C8orf34: variants seen among roughly 807,000 people sequenced by gnomAD.
C8orf34 encodes the protein chromosome 8 open reading frame 34, also known as uncharacterized protein C8orf34.
Under a neutral mutation model 68.3 loss-of-function variants are expected in C8orf34, and 65 were observed. That is an observed-to-expected ratio of 0.95 (90% CI 0.78 to 1.17). The LOEUF is 1.17. C8orf34 is among the 50% of genes most tolerant of loss of function. C8orf34 has a pLI of 0.00. For missense variants in C8orf34, 664 were observed against 655.4 expected, an observed-to-expected ratio of 1.01 and a Z score of -0.14; for synonymous variants, 244 against 241.2, an observed-to-expected ratio of 1.01 and a Z score of -0.11.
chr8:68,398,290 C>T (rs564803238), intron 1 of C8orf34, among the ~76,000 whole-genome samples: 1 of 152,222 alleles, frequency 6.6e-6, no homozygotes, highest in Admixed American at 6.5e-5. Flanking sequence ...TAAAAGCCTA[C>T]TAAGTATGCT....
At chr8:68,634,292 C>A (rs1257871739) in intron 7 of C8orf34, among the ~76,000 whole-genome samples, 1 of 152,150 alleles carries the variant, frequency 6.6e-6, no homozygotes, top group Non-Finnish European at 1.5e-5. Context: ...TTTTCTTGCA[C>A]CTGCTGTATT....
intron 6 of C8orf34, chr8:68,526,003 G>T (rs1385805517): frequency 2.2e-5 from 5 of 225,138 alleles, no homozygotes; most frequent in African/African-American, 1.5e-4. Flanking sequence ...CTGTCACACA[G>T]ACTGGAGTGC....
chr8:68,533,671 T>G, intron 7 of C8orf34: 1 of 967,146 alleles, frequency 1.0e-6, no homozygotes, highest in Non-Finnish European at 1.2e-6. Flanking sequence ...TTCAGGCCTG[T>G]TACTTTCATG....
At position 68,735,822 on chromosome 8, in the gene C8orf34, T is replaced by A. The variant is rs74346777; in HGVS notation, c.1404+14385T>A. Among the ~76,000 whole-genome samples, 868 of 152,304 alleles carry A rather than the reference T, an allele frequency of 5.7e-3. 8 individuals are homozygous for A. Among genetic ancestry groups the A allele is most frequent in the African/African-American group, 0.02 (822 of 41,562 alleles). ...ATGAACATTAAATCTTAACTATATT[T>A]GTCCTGACCCAAATTTGTAAAACAC... On this transcript the variant is annotated intron_variant, in intron 10 of 13. Coordinates refer to ENST00000518698, the MANE Select transcript of C8orf34 (RefSeq NM_052958.4).
chr8:68,690,323 T>C (rs1254163674), intron 8 of C8orf34, among the ~76,000 whole-genome samples: 1 of 152,030 alleles, frequency 6.6e-6, no homozygotes. Context: ...AGAATTAAAC[T>C]GGCATAAGAA....
intron 1 of C8orf34, among the ~76,000 whole-genome samples, chr8:68,384,399 C>A (rs562294473): frequency 6.6e-6 from 1 of 152,196 alleles, no homozygotes. Context: ...GAATGCAGGG[C>A]AGTCTGTTTG....
chr8:68,757,624 A>AAAATAAATAAATAAAT (rs150094375), intron 10 of C8orf34, among the ~76,000 whole-genome samples: 55 of 151,942 alleles, frequency 3.6e-4, no homozygotes, highest in African/African-American at 1.2e-3. Flanking sequence ...CCGTCTCAAA[A>AAAATAAATAAATAAAT]AAATAAATAA....
At chr8:68,638,213 T>C (rs1048522230) in intron 7 of C8orf34, among the ~76,000 whole-genome samples, 4 of 152,150 alleles carry the variant, frequency 2.6e-5, no homozygotes, top group Admixed American at 6.6e-5. Context: ...ATCTGTACCA[T>C]GATGAGTCAT....
At chr8:68,347,876 A>G (rs999095511) in intron 1 of C8orf34, among the ~76,000 whole-genome samples, 6 of 152,014 alleles carry the variant, frequency 3.9e-5, no homozygotes, top group South Asian at 2.1e-4. Context: ...TGTCAGATGC[A>G]TAATTTTGAA....
At chr8:68,336,658 C>G (rs1477931194) in intron 1 of C8orf34, among the ~76,000 whole-genome samples, 7 of 152,074 alleles carry the variant, frequency 4.6e-5, no homozygotes, top group African/African-American at 1.7e-4. Flanking sequence ...ACTGGAAGGG[C>G]CTGGGAATAA....
intron 7 of C8orf34, among the ~76,000 whole-genome samples, chr8:68,549,443 C>A (rs899940416): frequency 4.0e-5 from 6 of 151,580 alleles, no homozygotes; most frequent in African/African-American, 1.5e-4. Flanking sequence ...GAGGGATTGA[C>A]TTGATATTAG....
chr8:68,375,035 A>C (rs1042321144), intron 1 of C8orf34, among the ~76,000 whole-genome samples: 6 of 152,328 alleles, frequency 3.9e-5, no homozygotes, highest in African/African-American at 1.4e-4. Flanking sequence ...ATGTGATAGA[A>C]TCAACATTAA....
At chr8:68,777,687 G>T (rs1007042016) in intron 11 of C8orf34, among the ~76,000 whole-genome samples, 5 of 152,114 alleles carry the variant, frequency 3.3e-5, no homozygotes, top group African/African-American at 7.2e-5. Flanking sequence ...AAGATGCTCT[G>T]CCATAAAGTG....
chr8:68,438,084 C>T (rs1157738236), intron 1 of C8orf34: 1 of 152,076 alleles, frequency 6.6e-6, no homozygotes, highest in African/African-American at 2.4e-5. Flanking sequence ...TAATATCTAC[C>T]TGTAGTCAAT....
intron 5 of C8orf34, among the ~76,000 whole-genome samples, chr8:68,520,371 T>C (rs1383568812): frequency 6.6e-6 from 1 of 152,208 alleles, no homozygotes; most frequent in East Asian, 1.9e-4. Flanking sequence ...TATATTGTAT[T>C]ATATTCTGTA....
intron 4 of C8orf34, among the ~76,000 whole-genome samples, chr8:68,475,920 A>G (rs1294376253): frequency 6.6e-6 from 1 of 152,174 alleles, no homozygotes; most frequent in Admixed American, 6.5e-5. Flanking sequence ...AGCCTTTCCA[A>G]GGAAAAGAGA....
At chr8:68,606,073 T>C (rs1817845035) in intron 7 of C8orf34, among the ~76,000 whole-genome samples, 1 of 152,092 alleles carries the variant, frequency 6.6e-6, no homozygotes, top group Non-Finnish European at 1.5e-5. Flanking sequence ...CCTCATGAAG[T>C]CAGGGATAAA....
chr8:68,797,210 A>T (rs1022312432), intron 12 of C8orf34, among the ~76,000 whole-genome samples: 5 of 152,194 alleles, frequency 3.3e-5, no homozygotes, highest in African/African-American at 1.2e-4. Flanking sequence ...TTGGAAGAAG[A>T]AGTGCTCTAA....
chr8:68,332,923 T>C (rs905933775), intron 1 of C8orf34, among the ~76,000 whole-genome samples: 1 of 152,190 alleles, frequency 6.6e-6, no homozygotes, highest in African/African-American at 2.4e-5. Context: ...TAATCCTATA[T>C]AATTTTTTTA....
Sources: allele counts gnomAD v4.1 joint callset (sites outside exome capture counted in the v4.1 genomes callset), GRCh38; gene constraint gnomAD v4.1.1; transcripts MANE v1.5; gene names NCBI Gene and HGNC (gene_info 2026-07-23, HGNC 2026-07-21).